The following UNKL variants were observed in gnomAD, a reference collection of about 807,000 sequenced individuals.
The protein encoded by UNKL is putative E3 ubiquitin-protein ligase UNKL.
In UNKL, 60 loss-of-function variants were observed where a neutral mutation model predicts 78.0. That is an observed-to-expected ratio of 0.77 (90% CI 0.63 to 0.95). The LOEUF (loss-of-function observed/expected upper bound fraction) is 0.95. Ranked by LOEUF, UNKL falls within the 40% of genes least tolerant of loss-of-function variation. UNKL has a pLI of 0.00. For missense variants in UNKL, 1,159 were observed against 1,045.7 expected (o/e 1.11, Z -1.49); for synonymous variants, 608 against 474.8 (o/e 1.28, Z -3.65).
chr16:1,401,347 GA>G (rs1284269900), intron 4 of UNKL: 2 of 464,304 alleles, frequency 4.3e-6, no homozygotes, highest in African/African-American at 4.0e-5. Flanking sequence ...AGTTGCCGCA[GA>G]GATTCAGAGC....
At chr16:1,401,844 G>C (rs1358538844) in intron 3 of UNKL, 143 bp from the exon 4 acceptor site, 1 of 1,157,750 alleles carries the variant, frequency 8.6e-7, no homozygotes, top group Non-Finnish European at 1.2e-6. Flanking sequence ...TCAGTGTGTG[G>C]CGCTCCGCTG....
At chr16:1,391,653 G>T (rs1198865317) in intron 8 of UNKL, among the ~76,000 whole-genome samples, 1 of 151,888 alleles carries the variant, frequency 6.6e-6, no homozygotes, top group African/African-American at 2.4e-5. Context: ...TGAACCTGCT[G>T]GCTCCCTGTC....
At chr16:1,374,438 T>G (rs1179074001) in intron 10 of UNKL, among the ~76,000 whole-genome samples, 1 of 152,090 alleles carries the variant, frequency 6.6e-6, no homozygotes, top group Non-Finnish European at 1.5e-5. Context: ...CCCTTCCTCC[T>G]GTCCTCACCT....
At chr16:1,398,045 C>T (rs1185867638) in intron 5 of UNKL, among the ~76,000 whole-genome samples, 3 of 152,250 alleles carry the variant, frequency 2.0e-5, no homozygotes, top group African/African-American at 7.2e-5. Context: ...GCCACCCTCA[C>T]GGACGTGGAG....
rs898144152 is a variant in UNKL at position 1,364,224 on chromosome 16, G to A, written c.*2016C>T. 5 of 152,218 alleles carry A rather than the reference G, an allele frequency of 3.3e-5. No homozygotes were observed. The highest frequency in any genetic ancestry group is 1.2e-4 in the African/African-American group (5 of 41,446). The allele number at this position is 152,218 out of a possible 1,614,324, so 9.4% of individuals were successfully genotyped here. A position where few individuals can be genotyped will look rare whatever the true frequency, so the allele number is the denominator to read the frequency against. On this transcript the variant is annotated 3_prime_UTR_variant, in exon 15 of 15. Transcript: ENST00000389221. ...AAGTCGATAGTTACCTTGGAGTAGT[G>A]GACTAGCTGCAGAATGTCACGGACC...
At position 1,387,366 on chromosome 16, in the gene UNKL, T is replaced by G. The variant is rs1027947934; in HGVS notation, c.1087-1981A>C. On this transcript the variant is annotated intron_variant, in intron 9 of 14. Coordinates refer to ENST00000389221, the MANE Select transcript of UNKL (RefSeq NM_001372107.1). The surrounding 1 kb of genome is among the most constrained non-coding windows in gnomAD (Gnocchi z 4.1). ...ATGGGTGATTCGAGACCTGGTGCCA[T>G]CTCAGTGGCAACCCGCCCCCTATCC... Among the ~76,000 whole-genome samples the G allele has an allele frequency of 2.1e-4, 32 of 152,276 alleles. No homozygotes were observed. The highest frequency in any genetic ancestry group is 6.7e-4 in the African/African-American group (28 of 41,560).
chr16:1,407,303 G>C (rs2037810536), intron 2 of UNKL: 1 of 152,336 alleles, frequency 6.6e-6, no homozygotes, highest in Admixed American at 6.6e-5. Context: ...GCACACCCCG[G>C]ACCCATCCAG....
chr16:1,385,072 C>A, intron 10 of UNKL, 136 bp downstream of exon 10: 4 of 706,320 alleles, frequency 5.7e-6, no homozygotes, highest in Non-Finnish European at 7.8e-6. Flanking sequence ...TGACAGATGA[C>A]TGAAAATACG....
chr16:1,367,515 C>A, intron 13 of UNKL, 141 bp downstream of exon 13: 2 of 743,068 alleles, frequency 2.7e-6, no homozygotes, highest in Non-Finnish European at 4.0e-6. Flanking sequence ...CCTCCCTCCC[C>A]CTCCCGTCTC....
chr16:1,370,029 G>A (rs2035667605), intron 12 of UNKL, 101 bp downstream of exon 12: 1 of 1,551,104 alleles, frequency 6.4e-7, no homozygotes, highest in Non-Finnish European at 8.7e-7. Context: ...CACAGATAGG[G>A]CACAAGGTTC....
intron 1 of UNKL, 74 bp downstream of exon 1, chr16:1,414,541 G>A: frequency 1.8e-6 from 1 of 552,910 alleles, no homozygotes; most frequent in South Asian, 7.5e-5. Flanking sequence ...CGGCGGAGGC[G>A]GCGCGAGCCC....
chr16:1,385,539 C>G (rs560338838), intron 9 of UNKL, 154 bp from the exon 10 acceptor site: 2 of 716,100 alleles, frequency 2.8e-6, no homozygotes, highest in African/African-American at 3.7e-5. Flanking sequence ...GGGACTCTGA[C>G]CGCACCGAGG....
At chr16:1,367,892 T>C in intron 12 of UNKL, 34 bp from the exon 13 acceptor site, 1 of 1,518,254 alleles carries the variant, frequency 6.6e-7, no homozygotes, top group Non-Finnish European at 8.9e-7. Flanking sequence ...GGCCCAGCCC[T>C]GCTGTGCTCG....
chr16:1,393,441 C>T (rs544668918), intron 7 of UNKL, among the ~76,000 whole-genome samples: 6 of 147,926 alleles, frequency 4.1e-5, no homozygotes, highest in Non-Finnish European at 7.5e-5. Context: ...CCCACTGCAG[C>T]GTGGAGGAGG....
intron 10 of UNKL, chr16:1,379,394 G>T: frequency 1.1e-6 from 1 of 871,512 alleles, no homozygotes; most frequent in Non-Finnish European, 1.4e-6. Context: ...CAGGCGGCCC[G>T]AGCCCGCGCT....
intron 9 of UNKL, among the ~76,000 whole-genome samples, chr16:1,388,949 C>T (rs1596716987): frequency 6.6e-6 from 1 of 152,322 alleles, no homozygotes; most frequent in East Asian, 1.9e-4. Flanking sequence ...TGGTGTAGTA[C>T]GTGGCATGAA....
chr16:1,389,502 G>A (rs957854596), intron 9 of UNKL, among the ~76,000 whole-genome samples: 1 of 152,180 alleles, frequency 6.6e-6, no homozygotes, highest in Admixed American at 6.5e-5. Flanking sequence ...TTCAAGCCTG[G>A]GAGTCCCGGG....
rs1442498821 is a variant in UNKL, at chr16:1,370,290, T to C, written c.1425A>G (p.Leu475=). 11 of 1,534,394 alleles carry C rather than the reference T, an allele frequency of 7.2e-6. No homozygotes were observed. In the South Asian group the frequency reaches 9.5e-5, roughly 13 times the overall value. Residue 475 remains leucine (L), a synonymous_variant, in exon 12 of 15, where the codon CTA becomes CTG. Coordinates refer to ENST00000389221, the MANE Select transcript of UNKL (RefSeq NM_001372107.1). Reference sequence around the variant, plus strand: ...AGGTGGACGCAGAGGATGGCGAGTGTAGCGATGGTGCTCTGGGCAGGGAGC... The same window carrying C: ...AGGTGGACGCAGAGGATGGCGAGTGCAGCGATGGTGCTCTGGGCAGGGAGC... ...IPGSLPRAPS[L]HSPSSASTSP...
In UNKL at chr16:1,403,465, T is replaced by C. The variant is rs2142221521; in HGVS notation, c.288-121A>G. The stretch of plus-strand genomic sequence containing the variant: ...GTGAATTCCCTTCCCTTCTTCCAGA[T>C]TCCTGTTCTAATCAGAAGGACGGAC... On this transcript the variant is annotated intron_variant, in intron 2 of 14. Transcript: ENST00000389221. This position sits in a 1 kb window ranked among gnomAD's most constrained non-coding sequence, Gnocchi z 4.8. 8.2e-7 allele frequency: 1 copy of C among 1,222,822 alleles called. No homozygotes were observed. Among genetic ancestry groups the C allele is most frequent in the Non-Finnish European group, 1.1e-6 (1 of 888,716 alleles). 75.7% of individuals were successfully genotyped at this position (1,222,822 alleles called of 1,614,324 possible).
Sources: allele counts gnomAD v4.1 joint callset (sites outside exome capture counted in the v4.1 genomes callset), GRCh38; gene constraint gnomAD v4.1.1; non-coding constraint Gnocchi (gnomAD v3.1); transcripts MANE v1.5; gene names NCBI Gene and HGNC (gene_info 2026-07-23, HGNC 2026-07-21).